DACH1: variants seen among roughly 807,000 people sequenced by gnomAD.
The protein encoded by DACH1 is dachshund homolog 1.
Under a neutral mutation model 54.2 loss-of-function variants are expected in DACH1, and 12 were observed. The observed-to-expected ratio is 0.22, with a 90% CI of 0.14 to 0.36. The LOEUF (loss-of-function observed/expected upper bound fraction) is 0.36, where lower values mean the gene tolerates loss of function less well. DACH1 is among the 10% of genes least tolerant of loss of function. DACH1 has a pLI of 1.00. For synonymous variants in DACH1, 386 were observed against 366.2 expected (o/e 1.05, Z -0.62); for missense variants, 805 against 929.8 (o/e 0.87, Z 1.75).
intron 1 of DACH1, among the ~76,000 whole-genome samples, chr13:71,840,780 G>A (rs535036274): frequency 6.6e-6 from 1 of 152,302 alleles, no homozygotes; most frequent in Non-Finnish European, 1.5e-5. Context: ...ATCAATATCT[G>A]AGCAGATAAA....
intron 1 of DACH1, among the ~76,000 whole-genome samples, chr13:71,851,552 T>G (rs1873666794): frequency 6.6e-6 from 1 of 152,158 alleles, no homozygotes; most frequent in South Asian, 2.1e-4. Context: ...GGGAGAATAC[T>G]GAGCTGGTAT....
chr13:71,517,290 T>C (rs1881233481), intron 6 of DACH1, among the ~76,000 whole-genome samples: 1 of 151,852 alleles, frequency 6.6e-6, no homozygotes, highest in African/African-American at 2.4e-5. Context: ...CACTAGGTTC[T>C]TAGCAAACTA....
intron 1 of DACH1, among the ~76,000 whole-genome samples, chr13:71,775,339 GAAGA>G (rs1256383945): frequency 1.3e-5 from 2 of 151,590 alleles, no homozygotes; most frequent in Non-Finnish European, 2.9e-5. Flanking sequence ...ACAAACTGAA[GAAGA>G]CAGACAGATA....
intron 2 of DACH1, among the ~76,000 whole-genome samples, chr13:71,649,396 G>C (rs1878517475): frequency 6.6e-6 from 1 of 152,102 alleles, no homozygotes; most frequent in South Asian, 2.1e-4. Context: ...TGTAAAATTT[G>C]GATCTACAGC....
chr13:71,638,669 A>G (rs1877677919), intron 2 of DACH1, among the ~76,000 whole-genome samples: 1 of 152,192 alleles, frequency 6.6e-6, no homozygotes, highest in Non-Finnish European at 1.5e-5. Flanking sequence ...ATATTAAATT[A>G]CTTCAACCAG....
chr13:71,491,586 T>C (rs2138209000), intron 6 of DACH1, among the ~76,000 whole-genome samples: 1 of 152,270 alleles, frequency 6.6e-6, no homozygotes, highest in South Asian at 2.1e-4. Flanking sequence ...CATAAGAAAT[T>C]AGCAAATTTG....
At chr13:71,616,764 G>A (rs1290220239) in intron 3 of DACH1, among the ~76,000 whole-genome samples, 1 of 151,700 alleles carries the variant, frequency 6.6e-6, no homozygotes, top group African/African-American at 2.4e-5. Context: ...AAAGAATAGG[G>A]TATTGGATTC....
chr13:71,462,530 CATT>C (rs1483931921), intron 10 of DACH1, among the ~76,000 whole-genome samples: 1 of 151,548 alleles, frequency 6.6e-6, no homozygotes, highest in African/African-American at 2.4e-5. Flanking sequence ...AAAAAAAAAT[CATT>C]GACTGAGGAG....
chr13:71,515,553 T>C (rs940520474), intron 6 of DACH1, among the ~76,000 whole-genome samples: 4 of 151,390 alleles, frequency 2.6e-5, no homozygotes, highest in East Asian at 1.9e-4. Flanking sequence ...AGATTTGTAT[T>C]TGAAATCCTC....
intron 1 of DACH1, among the ~76,000 whole-genome samples, chr13:71,699,126 T>G (rs887915201): frequency 2.0e-5 from 3 of 152,284 alleles, no homozygotes; most frequent in Non-Finnish European, 2.9e-5. Flanking sequence ...TATATATAAC[T>G]TGGCTATTTG....
chr13:71,481,852 A>C (rs1878060291), intron 7 of DACH1, among the ~76,000 whole-genome samples: 1 of 152,238 alleles, frequency 6.6e-6, no homozygotes, highest in African/African-American at 2.4e-5. Context: ...AATGATAATA[A>C]TACTTTCAGA....
chr13:71,731,580 G>C (rs1883750298), intron 1 of DACH1, among the ~76,000 whole-genome samples: 1 of 152,142 alleles, frequency 6.6e-6, no homozygotes, highest in South Asian at 2.1e-4. Context: ...ACCGCGCCTG[G>C]CCTGTTTCTT....
At chr13:71,462,911 C>A (rs1593731928) in intron 10 of DACH1, among the ~76,000 whole-genome samples, 1 of 34,340 alleles carries the variant, frequency 2.9e-5, no homozygotes, top group Non-Finnish European at 7.6e-5. Context: ...CACACACACA[C>A]ACACATAAAC....
intron 1 of DACH1, among the ~76,000 whole-genome samples, chr13:71,837,664 G>A (rs1046555479): frequency 6.6e-6 from 1 of 151,566 alleles, no homozygotes; most frequent in Non-Finnish European, 1.5e-5. Flanking sequence ...TCCCATTACT[G>A]GGTATATACC....
chr13:71,814,233 C>G (rs912481368), intron 1 of DACH1, among the ~76,000 whole-genome samples: 1 of 152,178 alleles, frequency 6.6e-6, no homozygotes, highest in African/African-American at 2.4e-5. Context: ...GTTGCTGCCA[C>G]AATTTTGTAC....
rs575616121 is a variant in DACH1 at position 71,469,003 on chromosome 13, A to T, written c.2083+6138T>A. ...TAAGAGGCAACAAGCTAACTATCTAAAATGAGTGATGTGGTTGGGAGTGGT... is the reference window on the plus strand; with the variant it reads ...TAAGAGGCAACAAGCTAACTATCTATAATGAGTGATGTGGTTGGGAGTGGT... On this transcript the variant is annotated intron_variant, in intron 10 of 10. Coordinates refer to ENST00000613252, the MANE Select transcript of DACH1 (RefSeq NM_080759.6). Among the ~76,000 whole-genome samples, 22 of 152,320 alleles carry T rather than the reference A, an allele frequency of 1.4e-4. No homozygotes were observed. In the East Asian group the frequency reaches 4.2e-3, roughly 29 times the overall value.
At chr13:71,730,967 A>T (rs1883713778) in intron 1 of DACH1, among the ~76,000 whole-genome samples, 1 of 151,994 alleles carries the variant, frequency 6.6e-6, no homozygotes, top group Admixed American at 6.6e-5. Flanking sequence ...AAAATTATAT[A>T]TTTTAATTTA....
chr13:71,622,999 T>A (rs1876358228), intron 3 of DACH1, among the ~76,000 whole-genome samples: 1 of 151,742 alleles, frequency 6.6e-6, no homozygotes, highest in African/African-American at 2.4e-5. Flanking sequence ...ATAAAAATAT[T>A]TTCTGCCTTC....
intron 1 of DACH1, among the ~76,000 whole-genome samples, chr13:71,795,468 C>T (rs1296539519): frequency 6.6e-6 from 1 of 152,108 alleles, no homozygotes; most frequent in South Asian, 2.1e-4. Flanking sequence ...TCCATCTCTT[C>T]GAGGGAGGGC....
Sources: gnomAD v4.1 joint callset for allele counts (sites outside exome capture counted in the v4.1 genomes callset) on GRCh38, gnomAD v4.1.1 for gene constraint, MANE v1.5 for transcripts, NCBI Gene and HGNC (gene_info 2026-07-23, HGNC 2026-07-21) for gene names.